The following SH2B1 variants were observed in gnomAD, a reference collection of about 807,000 sequenced individuals.
SH2B1 encodes the protein SH2B adaptor protein 1, also known as SH2B adapter protein 1.
In SH2B1, 15 loss-of-function variants were observed where a neutral mutation model predicts 62.6. That is an observed-to-expected ratio of 0.24 (90% CI 0.16 to 0.37). The LOEUF (loss-of-function observed/expected upper bound fraction) is 0.37. Ranked by LOEUF, SH2B1 falls within the 10% of genes least tolerant of loss-of-function variation. The pLI, the probability that SH2B1 is intolerant of heterozygous loss-of-function variation, is 1.00. For synonymous variants in SH2B1, 443 were observed against 438.0 expected (o/e 1.01, Z -0.14); for missense variants, 925 against 1,015.6 (o/e 0.91, Z 1.21).
chr16:28,851,321 A>G (rs1962094447), intron 1 of SH2B1, among the ~76,000 whole-genome samples: 1 of 151,930 alleles, frequency 6.6e-6, no homozygotes, highest in African/African-American at 2.4e-5. Flanking sequence ...CTCCAAATGG[A>G]ATCCCCAGTG....
Position 28,865,458 on chromosome 16 carries a change from C to G in SH2B1, c.-637C>G. The G allele has an allele frequency of 1.0e-6, 1 of 985,564 alleles. No homozygotes were observed. Among genetic ancestry groups the G allele is most frequent in the Non-Finnish European group, 1.2e-6 (1 of 829,960 alleles). The allele number at this position is 985,564 out of a possible 1,614,324, so 61.1% of individuals were successfully genotyped here. A position where few individuals can be genotyped will look rare whatever the true frequency, so the allele number is the denominator to read the frequency against. On this transcript the variant is annotated 5_prime_UTR_variant, in exon 1 of 8. Transcript: ENST00000684370. ...GTCTAGAATCCCAGCTCCTCTCTAG[C>G]CCCCTGCGAGCTGGGGCGGTGAGGT...
In SH2B1 at chr16:28,870,064, A is replaced by G. The variant is rs1281764519; in HGVS notation, c.1309+681A>G. The stretch of plus-strand genomic sequence containing the variant: ...ACACCTGAGGGTCACTGAGGAAGAC[A>G]GGGGCTGCGCCACCCTGTTTCCCAA... On this transcript the variant is annotated intron_variant, in intron 4 of 7. Transcript: ENST00000684370. Among the ~76,000 whole-genome samples the G allele has an allele frequency of 3.3e-5, 5 of 152,312 alleles. No individual in the cohort carries two copies. In the East Asian group the frequency reaches 9.6e-4, roughly 29 times the overall value.
Position 28,866,657 on chromosome 16 carries a change from C to T in SH2B1, c.563C>T (p.Ser188Leu), listed in dbSNP as rs751302305. The T allele has an allele frequency of 2.7e-5, 43 of 1,611,276 alleles. No homozygotes were observed. Among genetic ancestry groups the T allele is most frequent in the Middle Eastern group, 1.6e-4 (1 of 6,072 alleles). Residue 188 changes from serine to leucine, a missense_variant, in exon 1 of 8, where the codon TCG (serine) becomes TTG (leucine). Physicochemically the swap from Ser to Leu is moderately radical, Grantham distance 145. Around this residue, in one of 3 missense-constraint regions of SH2B1, gnomAD observed 683 missense variants for 704.0 expected, o/e 0.97. Coordinates refer to ENST00000684370, the MANE Select transcript of SH2B1 (RefSeq NM_001387430.1). The surrounding 1 kb of genome is among the most constrained non-coding windows in gnomAD (Gnocchi z 6.3). ...PPSSAGPLET[S>L]SGPPVLGGNS... ...TCCTCCGCTGGGCCCCTGGAGACCTCGTCAGGCCCCCCAGTCTTAGGTGGA... is the reference window on the plus strand; with the variant it reads ...TCCTCCGCTGGGCCCCTGGAGACCTTGTCAGGCCCCCCAGTCTTAGGTGGA...
chr16:28,863,486 CTCA>C, upstream of SH2B1: 1 of 584,784 alleles, frequency 1.7e-6, no homozygotes, highest in Non-Finnish European at 2.9e-6. Flanking sequence ...TTCACACAGC[CTCA>C]TCATCTCGCT....
In SH2B1 at chr16:28,873,023, G is replaced by T; in HGVS notation, c.1897+318G>T. 1.5e-6 allele frequency: 1 copy of T among 659,994 alleles called. No homozygotes were observed. The highest frequency in any genetic ancestry group is 1.9e-5 in the South Asian group (1 of 52,236). The allele number at this position is 659,994 out of a possible 1,614,324, so 40.9% of individuals were successfully genotyped here. ...CATCCTGGCCTCGTCTTTGCCCTCC[G>T]TCGCAGCCTGGCCTTGGGCCTGCCC... is the stretch of plus-strand genomic sequence containing the variant. On this transcript the variant is annotated intron_variant, in intron 7 of 7. Coordinates refer to ENST00000684370, the MANE Select transcript of SH2B1 (RefSeq NM_001387430.1). The surrounding 1 kb of genome is among the most constrained non-coding windows in gnomAD (Gnocchi z 4.2).
intron 1 of SH2B1, among the ~76,000 whole-genome samples, chr16:28,849,336 G>A (rs973333800): frequency 6.6e-6 from 1 of 151,492 alleles, no homozygotes; most frequent in Non-Finnish European, 1.5e-5. Flanking sequence ...GGCCCAAGCC[G>A]TCTGCCCACC....
chr16:28,869,800 A>G (rs1241968638), intron 4 of SH2B1, among the ~76,000 whole-genome samples: 2 of 152,096 alleles, frequency 1.3e-5, no homozygotes, highest in African/African-American at 2.4e-5. Context: ...GGTCTGACCA[A>G]ACACACATAC....
Position 28,871,909 on chromosome 16 carries a change from A to C in SH2B1, c.1439A>C (p.Glu480Ala). ...PELPPRIPIE[E>A]GPPTGTVHPL... The stretch of plus-strand genomic sequence containing the variant: ...TTGCCCCCCCGCATCCCCATTGAAG[A>C]GGGACCCCCAACAGGGACAGTTCAT... Residue 480 changes from glutamate (E) to alanine (A), a missense_variant, in exon 5 of 8, where the codon GAG becomes GCG. By Grantham distance (107) the Glu-to-Ala change is moderately radical. Around this residue, in one of 3 missense-constraint regions of SH2B1, gnomAD observed 683 missense variants for 704.0 expected, o/e 0.97. Transcript: ENST00000684370. 3 of 1,477,224 alleles carry C rather than the reference A, an allele frequency of 2.0e-6. No individual in the cohort carries two copies. Among genetic ancestry groups the C allele is most frequent in the Non-Finnish European group, 2.8e-6 (3 of 1,089,774 alleles). The allele number at this position is 1,477,224 out of a possible 1,614,324, so 91.5% of individuals were successfully genotyped here.
upstream of SH2B1, among the ~76,000 whole-genome samples, chr16:28,859,044 C>T (rs1350953444): frequency 1.3e-5 from 2 of 151,976 alleles, no homozygotes; most frequent in African/African-American, 4.8e-5. Context: ...CTGGTTCAAG[C>T]CGTTCTCATG....
At chr16:28,859,544 A>G (rs937722078), upstream of SH2B1, among the ~76,000 whole-genome samples, 3 of 152,156 alleles carry the variant, frequency 2.0e-5, no homozygotes, top group East Asian at 1.9e-4. Flanking sequence ...AACCTCCCTG[A>G]GAATGAAGAC....
chr16:28,865,069 C>T lies in SH2B1; in HGVS notation c.-1026C>T, dbSNP rs1418217986. The T allele has an allele frequency of 1.0e-6, 1 of 985,336 alleles. No individual in the cohort carries two copies. The highest frequency in any genetic ancestry group is 1.2e-6 in the Non-Finnish European group (1 of 829,796). The allele number at this position is 985,336 out of a possible 1,614,324, so 61.0% of individuals were successfully genotyped here. ...GCCCTGGTCTGACTCAAGTCCATGG[C>T]CTTAACCAGAAGGCTAACCTGCCTT... On this transcript the variant is annotated 5_prime_UTR_variant, in exon 1 of 8. Transcript: ENST00000684370.
intron 1 of SH2B1, among the ~76,000 whole-genome samples, chr16:28,850,216 T>C (rs1275353871): frequency 6.6e-6 from 1 of 152,192 alleles, no homozygotes; most frequent in Non-Finnish European, 1.5e-5. Flanking sequence ...TTCCAAGCCA[T>C]AGAACTGATT....
Position 28,866,994 on chromosome 16 carries a change from A to G in SH2B1, c.900A>G (p.Gly300=). Residue 300 remains glycine, a synonymous_variant, in exon 1 of 8, where the codon GGA becomes GGG. Coordinates refer to ENST00000684370, the MANE Select transcript of SH2B1 (RefSeq NM_001387430.1). This position sits in a 1 kb window ranked among gnomAD's most constrained non-coding sequence, Gnocchi z 6.3. ...TGCTGCTTCGAAGTGAAGGAGAAGG[A>G]GGAGGAGGAAGTCGCCTGGAGTTCT... ...CRLLLRSEGE[G]GGGSRLEFFV... is the part of the protein sequence containing the mutation. 6.2e-7 allele frequency: 1 copy of G among 1,602,562 alleles called. No homozygotes were observed. The highest frequency in any genetic ancestry group is 8.5e-7 in the Non-Finnish European group (1 of 1,179,954).
intron 4 of SH2B1, 58 bp from the exon 5 acceptor site, chr16:28,871,722 G>T: frequency 1.4e-6 from 2 of 1,406,628 alleles, no homozygotes; most frequent in Non-Finnish European, 2.0e-6. Context: ...ATGGGCCCAG[G>T]ACAGTCCTTT....
In SH2B1 at chr16:28,866,445, G is replaced by T. The variant is rs267604495; in HGVS notation, c.351G>T (p.Leu117=). Residue 117 remains leucine (L), a synonymous_variant, in exon 1 of 8, where the codon CTG becomes CTT. Transcript: ENST00000684370. The surrounding 1 kb of genome is among the most constrained non-coding windows in gnomAD (Gnocchi z 6.3). ...AGAGCTGCAGGGTGGGTGGGCCCCT[G>T]GCTGTGCTGGGCCCTTCTCGATCAT... ...SLESCRVGGP[L]AVLGPSRSSE... 6 of 1,613,844 alleles carry T rather than the reference G, an allele frequency of 3.7e-6. No homozygotes were observed. The African/African-American group carries it at 8.0e-5, about 22-fold the overall frequency.
At chr16:28,856,912 AC>A (rs1962333139) in intron 1 of SH2B1, among the ~76,000 whole-genome samples, 1 of 152,014 alleles carries the variant, frequency 6.6e-6, no homozygotes, top group Admixed American at 6.6e-5. Flanking sequence ...CTCCCGTCAT[AC>A]CCATGTCACT....
chr16:28,863,029 C>G (rs1962501742), upstream of SH2B1: 1 of 151,874 alleles, frequency 6.6e-6, no homozygotes, highest in Non-Finnish European at 1.5e-5. Flanking sequence ...CTTCCGGATT[C>G]AAGCTATTCT....
In SH2B1 at chr16:28,863,999, C is replaced by T. The variant is rs1322945222; in HGVS notation, c.-2096C>T. The T allele has an allele frequency of 9.9e-6, 14 of 1,413,232 alleles. No individual in the cohort carries two copies. The East Asian group carries it at 1.8e-4, about 19-fold the overall frequency. The allele number at this position is 1,413,232 out of a possible 1,614,324, so 87.5% of individuals were successfully genotyped here. ...CAAGTACCTTTTCCCTCTCCGCGAC[C>T]CGGCCCTGGCGCCCGAGAGGATTCC... On this transcript the variant is annotated 5_prime_UTR_variant, in exon 1 of 8. Coordinates refer to ENST00000684370, the MANE Select transcript of SH2B1 (RefSeq NM_001387430.1).
rs1193379715 is a variant in SH2B1, at chr16:28,872,254, T to G, written c.1578T>G (p.Pro526=). 2 of 1,613,912 alleles carry G rather than the reference T, an allele frequency of 1.2e-6. No homozygotes were observed. Among genetic ancestry groups the G allele is most frequent in the Non-Finnish European group, 1.7e-6 (2 of 1,179,926 alleles). ...GEGDQPLSGY[P]WFHGMLSRLK... is the part of the protein sequence containing the mutation. ...GGGACCAGCCCCTCTCAGGGTATCC[T>G]TGGTTCCACGGGATGCTCTCTCGGC... is the stretch of plus-strand genomic sequence containing the variant. Residue 526 remains proline (P), a synonymous_variant, in exon 6 of 8, where the codon CCT becomes CCG. Coordinates refer to ENST00000684370, the MANE Select transcript of SH2B1 (RefSeq NM_001387430.1). The surrounding 1 kb of genome is among the most constrained non-coding windows in gnomAD (Gnocchi z 5.3).
Sources: allele counts gnomAD v4.1 joint callset (sites outside exome capture counted in the v4.1 genomes callset), GRCh38; gene constraint gnomAD v4.1.1; regional missense constraint gnomAD v4.1.1; non-coding constraint Gnocchi (gnomAD v3.1); transcripts MANE v1.5; gene names NCBI Gene and HGNC (gene_info 2026-07-23, HGNC 2026-07-21).